Variants in GAS7 observed in about 807,000 individuals in gnomAD.
GAS7 encodes growth arrest-specific protein 7.
GAS7 carries 28 observed loss-of-function variants against 71.1 expected under a neutral mutation model. That is an observed-to-expected ratio of 0.39 (90% CI 0.29 to 0.54). The LOEUF (loss-of-function observed/expected upper bound fraction) is 0.54, where lower values mean the gene tolerates loss of function less well. Ranked by LOEUF, GAS7 falls within the 20% of genes least tolerant of loss-of-function variation. GAS7 has a pLI of 0.62. For synonymous variants in GAS7, 258 were observed against 245.8 expected (o/e 1.05, Z -0.46); for missense variants, 436 against 627.8 (o/e 0.69, Z 3.27).
At chr17:10,178,924 C>A (rs570702193) in intron 1 of GAS7, among the ~76,000 whole-genome samples, 1 of 151,714 alleles carries the variant, frequency 6.6e-6, no homozygotes, top group Admixed American at 6.6e-5. Context: ...TTGGAGGATC[C>A]GATTATACGG....
chr17:9,977,740 G>A (rs1048029597), intron 3 of GAS7, among the ~76,000 whole-genome samples: 4 of 151,952 alleles, frequency 2.6e-5, no homozygotes, highest in Non-Finnish European at 2.9e-5. Flanking sequence ...TAGTTTGTGC[G>A]GGGGTGGGGA....
intron 5 of GAS7, chr17:9,958,925 C>G: frequency 7.4e-7 from 1 of 1,349,572 alleles, no homozygotes; most frequent in Non-Finnish European, 9.6e-7. Flanking sequence ...GCACGCATAC[C>G]TTCCCCTCCT....
At chr17:10,133,123 T>TATATATATATATATATATATATA (rs770717224) in intron 1 of GAS7, among the ~76,000 whole-genome samples, 8 of 129,252 alleles carry the variant, frequency 6.2e-5, no homozygotes, top group South Asian at 3.0e-4. Context: ...TATTTTTATA[T>TATATATATATATATATATATATA]TTTTTTTTTT....
chr17:10,012,173 T>C (rs1293611764), intron 2 of GAS7, among the ~76,000 whole-genome samples: 1 of 152,186 alleles, frequency 6.6e-6, no homozygotes, highest in Non-Finnish European at 1.5e-5. Flanking sequence ...GTCCAAATGG[T>C]AAAATGTATC....
chr17:9,956,939 T>C (rs754938658), intron 5 of GAS7, among the ~76,000 whole-genome samples: 5 of 152,108 alleles, frequency 3.3e-5, no homozygotes, highest in Admixed American at 6.5e-5. Flanking sequence ...AGGCTGGGCA[T>C]GGGAGAGCGG....
intron 1 of GAS7, among the ~76,000 whole-genome samples, chr17:10,171,621 A>G (rs769926722): frequency 6.6e-6 from 1 of 152,224 alleles, no homozygotes; most frequent in Non-Finnish European, 1.5e-5. Context: ...TTCATTTCCC[A>G]TCTCCCTAAA....
intron 2 of GAS7, among the ~76,000 whole-genome samples, chr17:10,016,583 A>G (rs774935024): frequency 5.8e-5 from 8 of 138,792 alleles, no homozygotes; most frequent in Admixed American, 1.5e-4. Context: ...TAGGCAACAT[A>G]CTGAAACCCT....
At chr17:10,078,095 T>C (rs1230220621) in intron 1 of GAS7, among the ~76,000 whole-genome samples, 24 of 151,798 alleles carry the variant, frequency 1.6e-4, no homozygotes, top group Non-Finnish European at 1.3e-4. Flanking sequence ...TTTTGTTTTG[T>C]TTTGTTTTGT....
intron 3 of GAS7, among the ~76,000 whole-genome samples, chr17:9,981,000 T>C (rs1053584068): frequency 6.6e-6 from 1 of 152,202 alleles, no homozygotes; most frequent in African/African-American, 2.4e-5. Flanking sequence ...ATTATAGGAA[T>C]GTCCATTTCA....
At chr17:10,045,816 A>G (rs1467087871) in intron 1 of GAS7, among the ~76,000 whole-genome samples, 2 of 152,178 alleles carry the variant, frequency 1.3e-5, no homozygotes, top group Admixed American at 6.6e-5. Context: ...GCAGTCATTC[A>G]TATCCCACTG....
intron 1 of GAS7, among the ~76,000 whole-genome samples, chr17:10,021,830 G>C (rs893426193): frequency 6.6e-6 from 1 of 152,220 alleles, no homozygotes; most frequent in Middle Eastern, 3.2e-3. Context: ...CAACGTGCAT[G>C]TGTGCGTGTG....
At chr17:9,949,596 C>T (rs1437637668) in intron 5 of GAS7, among the ~76,000 whole-genome samples, 1 of 152,160 alleles carries the variant, frequency 6.6e-6, no homozygotes, top group South Asian at 2.1e-4. Context: ...GAGCCTCCTC[C>T]TCCCAGATCC....
chr17:9,941,200 C>A (rs2068589706), intron 7 of GAS7, among the ~76,000 whole-genome samples: 1 of 152,234 alleles, frequency 6.6e-6, no homozygotes, highest in Non-Finnish European at 1.5e-5. Flanking sequence ...GCTTTCCCCT[C>A]ACCTCCACCT....
intron 1 of GAS7, among the ~76,000 whole-genome samples, chr17:10,072,921 C>T (rs2073356142): frequency 6.6e-6 from 1 of 151,816 alleles, no homozygotes; most frequent in Non-Finnish European, 1.5e-5. Flanking sequence ...AACAAAAAAA[C>T]AAGAAAGTGG....
At position 9,919,887 on chromosome 17, in the gene GAS7, C is replaced by G. The variant is rs2067733183; in HGVS notation, c.1139-182G>C. Among the ~76,000 whole-genome samples the G allele has an allele frequency of 6.6e-6, 1 of 152,072 alleles. No homozygotes were observed. The highest frequency in any genetic ancestry group is 2.1e-4 in the South Asian group (1 of 4,832). On this transcript the variant is annotated intron_variant, in intron 11 of 13. Coordinates refer to ENST00000432992, the MANE Select transcript of GAS7 (RefSeq NM_201433.2). The surrounding 1 kb of genome is among the most constrained non-coding windows in gnomAD (Gnocchi z 5.0). ...CAGAGCCAGGGAAGGAAGGGGGCAA[C>G]CCAGCCCCATGAGAACCCAGCTCAG...
chr17:10,121,780 C>A (rs2073906310), intron 1 of GAS7, among the ~76,000 whole-genome samples: 1 of 152,072 alleles, frequency 6.6e-6, no homozygotes, highest in Non-Finnish European at 1.5e-5. Flanking sequence ...TTCCCTGTAC[C>A]CCGTCAACCT....
chr17:10,190,087 C>CTT (rs1217313536), intron 1 of GAS7, among the ~76,000 whole-genome samples: 3 of 152,330 alleles, frequency 2.0e-5, no homozygotes, highest in Non-Finnish European at 4.4e-5. Flanking sequence ...TCTCTGGCTG[C>CTT]TTTTGCACTA....
chr17:10,058,010 A>G (rs904510525), intron 1 of GAS7, among the ~76,000 whole-genome samples: 3 of 152,168 alleles, frequency 2.0e-5, no homozygotes, highest in Non-Finnish European at 2.9e-5. Flanking sequence ...GATTAAGGGC[A>G]GTGCAAGATG....
chr17:9,963,043 A>T (rs2069561716), intron 4 of GAS7, among the ~76,000 whole-genome samples: 1 of 150,816 alleles, frequency 6.6e-6, no homozygotes, highest in Non-Finnish European at 1.5e-5. Flanking sequence ...GGTGATGAAA[A>T]AAAAAAAAAA....
Sources: allele counts gnomAD v4.1 joint callset (sites outside exome capture counted in the v4.1 genomes callset), GRCh38; gene constraint gnomAD v4.1.1; non-coding constraint Gnocchi (gnomAD v3.1); transcripts MANE v1.5; gene names NCBI Gene and HGNC (gene_info 2026-07-23, HGNC 2026-07-21).